The following IL1RN variants were observed in gnomAD, a reference collection of about 807,000 sequenced individuals.
IL1RN encodes the protein interleukin-1 receptor antagonist protein.
In IL1RN, 10 loss-of-function variants were observed where a neutral mutation model predicts 13.7. That is an observed-to-expected ratio of 0.73 (90% CI 0.45 to 1.24). IL1RN has a LOEUF of 1.24. IL1RN is among the 50% of genes most tolerant of loss of function. The probability of loss-of-function intolerance (pLI) is 0.00; values close to 1 mark genes in which losing one functional copy is unlikely to be tolerated. For missense variants in IL1RN, 213 were observed against 222.1 expected (o/e 0.96, Z 0.26); for synonymous variants, 102 against 82.7 (o/e 1.23, Z -1.27).
intron 3 of IL1RN, among the ~76,000 whole-genome samples, chr2:113,132,447 C>T (rs937230348): frequency 1.5e-4 from 23 of 152,154 alleles, no homozygotes; most frequent in African/African-American, 4.6e-4. Context: ...GACTCCGTCT[C>T]GGGAAAATTA....
upstream of IL1RN, among the ~76,000 whole-genome samples, chr2:113,124,361 G>T (rs1172987316): frequency 3.3e-5 from 5 of 152,166 alleles, no homozygotes; most frequent in Non-Finnish European, 7.4e-5. Context: ...GAGTGGACTT[G>T]TGGCCAGAAG....
At chr2:113,103,951 T>C (rs1686350331), upstream of IL1RN, among the ~76,000 whole-genome samples, 1 of 151,824 alleles carries the variant, frequency 6.6e-6, no homozygotes, top group African/African-American at 2.4e-5. Context: ...GGTTTTTAGT[T>C]CTTTCACCAA....
chr2:113,131,550 G>C (rs927445054), intron 3 of IL1RN, among the ~76,000 whole-genome samples: 13 of 152,092 alleles, frequency 8.5e-5, no homozygotes, highest in African/African-American at 2.9e-4. Flanking sequence ...CCCTGTGAGA[G>C]GAGACTGCAT....
At chr2:113,131,017 C>A in intron 2 of IL1RN, 28 bp from the exon 3 acceptor site, 1 of 1,387,162 alleles carries the variant, frequency 7.2e-7, no homozygotes, top group Non-Finnish European at 1.0e-6. Flanking sequence ...CTTCTATTAA[C>A]CTGACCCTCC....
intron 1 of IL1RN, among the ~76,000 whole-genome samples, chr2:113,128,079 C>T (rs1231898356): frequency 1.3e-5 from 2 of 152,180 alleles, no homozygotes; most frequent in Non-Finnish European, 2.9e-5. Context: ...GGGGCACAGC[C>T]CGAAGGCCCA....
At chr2:113,103,838 A>G (rs970851873), upstream of IL1RN, among the ~76,000 whole-genome samples, 1 of 152,144 alleles carries the variant, frequency 6.6e-6, no homozygotes, top group Admixed American at 6.6e-5. Context: ...TTATTGGGGA[A>G]CTGTCCATCA....
rs936293334 is a variant in IL1RN, at chr2:113,133,944, A to G, written c.*1073A>G. ...CAGGTACTCAGCGAATGAATGCTGT[A>G]TATGTTGGGTGCAAAGTTCCCTACT... On this transcript the variant is annotated 3_prime_UTR_variant, in exon 4 of 4. Transcript: ENST00000409930. The G allele has an allele frequency of 6.5e-6, 1 of 152,708 alleles. No individual in the cohort carries two copies. The allele number at this position is 152,708 out of a possible 1,614,324, so 9.5% of individuals were successfully genotyped here.
the IL1RN span, among the ~76,000 whole-genome samples, chr2:113,100,089 G>A: frequency 6.2e-5 from 9 of 145,660 alleles, no homozygotes; most frequent in African/African-American, 2.0e-4. Flanking sequence ...TTGGGAGGCC[G>A]AGGCGGGCAG....
Position 113,132,703 on chromosome 2 carries a change from C to A in IL1RN, c.366C>A (p.Arg122=). The A allele has an allele frequency of 6.2e-7, 1 of 1,614,266 alleles. No homozygotes were observed. Residue 122 remains arginine (R), a synonymous_variant, in exon 4 of 4, where the codon CGC becomes CGA. Coordinates refer to ENST00000409930, the MANE Select transcript of IL1RN (RefSeq NM_173842.3). ...DLSENRKQDK[R]FAFIRSDSGP... ...GCGAGAACAGAAAGCAGGACAAGCG[C>A]TTCGCCTTCATCCGCTCAGACAGTG...
upstream of IL1RN, among the ~76,000 whole-genome samples, chr2:113,104,129 G>A (rs1447784122): frequency 6.6e-6 from 1 of 152,108 alleles, no homozygotes; most frequent in Non-Finnish European, 1.5e-5. Flanking sequence ...CTGAAGCACT[G>A]AGGAAGGAAG....
At chr2:113,109,430 A>G (rs949410422), upstream of IL1RN, among the ~76,000 whole-genome samples, 1 of 146,276 alleles carries the variant, frequency 6.8e-6, no homozygotes, top group Non-Finnish European at 1.5e-5. Flanking sequence ...AAAAAAAAAA[A>G]TTAAGATAGT....
upstream of IL1RN, among the ~76,000 whole-genome samples, chr2:113,110,564 C>T (rs989845139): frequency 3.3e-5 from 5 of 152,122 alleles, no homozygotes; most frequent in South Asian, 8.3e-4. Flanking sequence ...TTATGACTCC[C>T]GAGGCATTGG....
At chr2:113,115,743 T>C (rs926067957), upstream of IL1RN, 5 of 152,196 alleles carry the variant, frequency 3.3e-5, no homozygotes, top group Non-Finnish European at 7.3e-5. Flanking sequence ...CAGAACTTCA[T>C]AGCCTGAGAG....
intron 2 of IL1RN, chr2:113,121,652 G>C: frequency 2.1e-6 from 2 of 956,586 alleles, no homozygotes; most frequent in Non-Finnish European, 2.5e-6. Flanking sequence ...GAGGAGAGTA[G>C]CTTCTTGTAG....
chr2:113,109,108 A>T (rs1025043073), upstream of IL1RN, among the ~76,000 whole-genome samples: 3 of 152,172 alleles, frequency 2.0e-5, no homozygotes, highest in Non-Finnish European at 4.4e-5. Context: ...AGAGAAAAAG[A>T]AGCATTGAAA....
chr2:113,116,707 T>G (rs1686602259), upstream of IL1RN, among the ~76,000 whole-genome samples: 1 of 152,222 alleles, frequency 6.6e-6, no homozygotes, highest in African/African-American at 2.4e-5. Flanking sequence ...GGACAGATTG[T>G]AGGTGGCAAG....
upstream of IL1RN, among the ~76,000 whole-genome samples, chr2:113,116,509 G>T (rs1686597027): frequency 6.6e-6 from 1 of 152,062 alleles, no homozygotes; most frequent in Non-Finnish European, 1.5e-5. Flanking sequence ...GGGGTGGGGG[G>T]CTTTCCTGTG....
chr2:113,124,154 C>T (rs1230718479), upstream of IL1RN, among the ~76,000 whole-genome samples: 2 of 152,090 alleles, frequency 1.3e-5, no homozygotes, highest in Admixed American at 6.6e-5. Context: ...ATTTGATGAC[C>T]AGGACCTCCG....
Position 113,127,706 on chromosome 2 carries a change from T to C in IL1RN, c.82T>C (p.Ser28Pro). The C allele has an allele frequency of 6.2e-7, 1 of 1,613,914 alleles. No homozygotes were observed. The highest frequency in any genetic ancestry group is 2.2e-5 in the East Asian group (1 of 44,880). The change falls in exon 1 of 4, where the codon TCT becomes CCT. Residue 28 changes from serine to proline, a missense_variant. Physicochemically the swap from Ser to Pro is moderately conservative, Grantham distance 74 (BLOSUM62 -1). Coordinates refer to ENST00000409930, the MANE Select transcript of IL1RN (RefSeq NM_173842.3). Reference protein sequence around the residue: ...LFHSETICRPSGRKSSKMQAF... With the variant: ...LFHSETICRPPGRKSSKMQAF... ...CCATTCAGAGACGATCTGCCGACCC[T>C]CTGGGAGAAAATCCAGCAAGATGCA...
Sources: gnomAD v4.1 joint callset for allele counts (sites outside exome capture counted in the v4.1 genomes callset) on GRCh38, gnomAD v4.1.1 for gene constraint, MANE v1.5 for transcripts, NCBI Gene and HGNC (gene_info 2026-07-23, HGNC 2026-07-21) for gene names.